The following BNC2 variants were observed in gnomAD, a reference collection of about 807,000 sequenced individuals.
BNC2 encodes zinc finger protein basonuclin-2.
In BNC2, 20 loss-of-function variants were observed where a neutral mutation model predicts 76.3. The observed-to-expected ratio is 0.26, with a 90% CI of 0.18 to 0.38. BNC2 has a LOEUF of 0.38. Ranked by LOEUF, BNC2 falls within the 10% of genes least tolerant of loss-of-function variation. The pLI, the probability that BNC2 is intolerant of heterozygous loss-of-function variation, is 1.00. For missense variants in BNC2, 1,382 were observed against 1,399.8 expected, an observed-to-expected ratio of 0.99 and a Z score of 0.20; for synonymous variants, 582 against 514.8, an observed-to-expected ratio of 1.13 and a Z score of -1.77.
At chr9:16,760,002 C>A (rs187191151) in intron 1 of BNC2, among the ~76,000 whole-genome samples, 1 of 152,120 alleles carries the variant, frequency 6.6e-6, no homozygotes, top group African/African-American at 2.4e-5. Flanking sequence ...GGATTACAGG[C>A]GTGAGCCACC....
At chr9:16,498,027 C>T (rs910756862) in intron 5 of BNC2, among the ~76,000 whole-genome samples, 10 of 122,218 alleles carry the variant, frequency 8.2e-5, no homozygotes, top group Non-Finnish European at 1.6e-4. Context: ...GTATGTATTC[C>T]ACCATATATA....
At chr9:16,652,714 G>A (rs1332468983) in intron 3 of BNC2, among the ~76,000 whole-genome samples, 2 of 152,084 alleles carry the variant, frequency 1.3e-5, no homozygotes, top group Non-Finnish European at 2.9e-5. Flanking sequence ...AAATCTACTG[G>A]AGTTTTTCCT....
intron 3 of BNC2, among the ~76,000 whole-genome samples, chr9:16,699,463 T>C (rs1278894689): frequency 1.3e-5 from 2 of 152,200 alleles, no homozygotes; most frequent in African/African-American, 4.8e-5. Flanking sequence ...CTCTCCACCC[T>C]CATTTTCTTC....
intron 5 of BNC2, among the ~76,000 whole-genome samples, chr9:16,539,369 A>G (rs1431092976): frequency 6.6e-6 from 1 of 151,702 alleles, no homozygotes; most frequent in African/African-American, 2.4e-5. Flanking sequence ...AAAATTAAAA[A>G]GTGAAAAAAA....
chr9:16,654,247 C>T (rs983339024), intron 3 of BNC2, among the ~76,000 whole-genome samples: 1 of 152,202 alleles, frequency 6.6e-6, no homozygotes, highest in African/African-American at 2.4e-5. Context: ...CTTTCCTCTG[C>T]CGAACCCCAA....
intron 5 of BNC2, among the ~76,000 whole-genome samples, chr9:16,455,169 T>C (rs1198193369): frequency 6.6e-6 from 1 of 152,186 alleles, no homozygotes; most frequent in Non-Finnish European, 1.5e-5. Context: ...ATGGTGAAAC[T>C]GAATATTAGC....
intron 2 of BNC2, 51 bp downstream of exon 2, chr9:16,738,309 A>C (rs7858709): frequency 0.9 from 1,441,869 of 1,593,980 alleles, 653,199 homozygotes; most frequent in Non-Finnish European, 0.91. Flanking sequence ...GTAATCAAAG[A>C]ATGCAAGTGT....
chr9:16,832,331 T>C (rs1201228726), intron 1 of BNC2: 1 of 1,265,080 alleles, frequency 7.9e-7, no homozygotes, highest in Admixed American at 2.7e-5. Flanking sequence ...AGCACAGAAT[T>C]CCAGAGAAAA....
At chr9:16,498,686 A>G (rs535142408) in intron 5 of BNC2, among the ~76,000 whole-genome samples, 1 of 148,778 alleles carries the variant, frequency 6.7e-6, no homozygotes, top group South Asian at 2.2e-4. Flanking sequence ...TAAAATCTAT[A>G]ATCAAGAAAA....
At chr9:16,635,905 T>A (rs147537927) in intron 3 of BNC2, among the ~76,000 whole-genome samples, 1 of 152,196 alleles carries the variant, frequency 6.6e-6, no homozygotes, top group African/African-American at 2.4e-5. Context: ...GGTAGGATGG[T>A]GGTGAGGGCA....
intron 6 of BNC2, among the ~76,000 whole-genome samples, chr9:16,430,459 T>C (rs1385076341): frequency 6.6e-6 from 1 of 152,196 alleles, no homozygotes; most frequent in African/African-American, 2.4e-5. Flanking sequence ...GGTGAAATCA[T>C]GTGTATTTAC....
intron 3 of BNC2, among the ~76,000 whole-genome samples, chr9:16,624,658 C>A (rs1347391009): frequency 6.6e-6 from 1 of 152,084 alleles, no homozygotes; most frequent in Non-Finnish European, 1.5e-5. Context: ...AATCAGAATA[C>A]CTCACTTGTA....
chr9:16,658,704 T>G (rs963187070), intron 3 of BNC2, among the ~76,000 whole-genome samples: 5 of 152,218 alleles, frequency 3.3e-5, no homozygotes, highest in African/African-American at 1.2e-4. Context: ...GGTCTGTCTC[T>G]TAAGGAAAGA....
At chr9:16,673,375 G>C (rs1214482942) in intron 3 of BNC2, among the ~76,000 whole-genome samples, 1 of 148,858 alleles carries the variant, frequency 6.7e-6, no homozygotes, top group African/African-American at 2.5e-5. Flanking sequence ...ATTCTTCTAG[G>C]GTGAGTAGAT....
At chr9:16,657,626 G>A (rs1260457067) in intron 3 of BNC2, among the ~76,000 whole-genome samples, 1 of 152,218 alleles carries the variant, frequency 6.6e-6, no homozygotes, top group African/African-American at 2.4e-5. Flanking sequence ...AAGGGAATGT[G>A]CTTGGACCAG....
intron 4 of BNC2, among the ~76,000 whole-genome samples, chr9:16,555,409 A>G (rs1330227334): frequency 3.9e-5 from 6 of 152,160 alleles, no homozygotes; most frequent in Non-Finnish European, 1.5e-5. Context: ...AAGAACAAAA[A>G]TATTTCCCTA....
chr9:16,498,185 T>C (rs1225844273), intron 5 of BNC2, among the ~76,000 whole-genome samples: 4 of 125,622 alleles, frequency 3.2e-5, no homozygotes, highest in South Asian at 2.2e-4. Context: ...ATATATATAT[T>C]CCATCATATA....
At chr9:16,766,682 T>C (rs146752071) in intron 1 of BNC2, among the ~76,000 whole-genome samples, 1 of 152,376 alleles carries the variant, frequency 6.6e-6, no homozygotes, top group African/African-American at 2.4e-5. Context: ...AATTAGTTCA[T>C]TTCTCAAATC....
chr9:16,590,615 T>C (rs761169976), intron 3 of BNC2, among the ~76,000 whole-genome samples: 3 of 152,090 alleles, frequency 2.0e-5, no homozygotes, highest in Non-Finnish European at 4.4e-5. Flanking sequence ...AAGACCAGCC[T>C]GGACAACATG....
Sources: allele counts gnomAD v4.1 joint callset (sites outside exome capture counted in the v4.1 genomes callset), GRCh38; gene constraint gnomAD v4.1.1; transcripts MANE v1.5; gene names NCBI Gene and HGNC (gene_info 2026-07-23, HGNC 2026-07-21).